The following BRAF variants were observed in gnomAD, a reference collection of about 807,000 sequenced individuals.
BRAF encodes the protein B-Raf proto-oncogene, serine/threonine kinase, also known as serine/threonine-protein kinase B-raf.
In BRAF, 16 loss-of-function variants were observed where a neutral mutation model predicts 104.6. That is an observed-to-expected ratio of 0.15 (90% CI 0.10 to 0.23). BRAF has a LOEUF of 0.23. Among genes scored for constraint, BRAF ranks in the 10% least tolerant of loss-of-function variants. The pLI is 1.00. For missense variants in BRAF, 541 were observed against 937.3 expected, an observed-to-expected ratio of 0.58 and a Z score of 5.52; for synonymous variants, 310 against 341.6, an observed-to-expected ratio of 0.91 and a Z score of 1.02.
chr7:140,784,424 T>C (rs979285329), intron 10 of BRAF, among the ~76,000 whole-genome samples: 23 of 152,200 alleles, frequency 1.5e-4, no homozygotes, highest in African/African-American at 5.1e-4. Context: ...TTCACGGTTA[T>C]GATCTACTAA....
intron 14 of BRAF, among the ~76,000 whole-genome samples, chr7:140,759,613 C>A (rs953257347): frequency 9.9e-5 from 15 of 152,132 alleles, no homozygotes; most frequent in Admixed American, 2.0e-4. Context: ...CTTGAACTCC[C>A]GACCTCAAGT....
At chr7:140,818,504 G>A (rs1805127102) in intron 3 of BRAF, among the ~76,000 whole-genome samples, 1 of 151,916 alleles carries the variant, frequency 6.6e-6, no homozygotes, top group Admixed American at 6.6e-5. Flanking sequence ...ATAGAAACAG[G>A]ATTTCATCAT....
chr7:140,761,484 C>G (rs1024378037), intron 14 of BRAF, among the ~76,000 whole-genome samples: 1 of 151,398 alleles, frequency 6.6e-6, no homozygotes, highest in Non-Finnish European at 1.5e-5. Context: ...CATCAACTAA[C>G]GAGCAAAATA....
chr7:140,734,783 A>AAG lies in BRAF; in HGVS notation c.2248-14_2248-13insCT. 2 of 1,337,404 alleles carry AAG rather than the reference A, an allele frequency of 1.5e-6. No individual in the cohort carries two copies. Among genetic ancestry groups the AAG allele is most frequent in the Non-Finnish European group, 9.7e-7 (1 of 1,026,374 alleles). The allele number at this position is 1,337,404 out of a possible 1,614,324, so 82.8% of individuals were successfully genotyped here. A position where few individuals can be genotyped will look rare whatever the true frequency, so the allele number is the denominator to read the frequency against. On this transcript the variant is annotated splice_polypyrimidine_tract_variant and intron_variant, in intron 18 of 19. Transcript: ENST00000644969. Reference sequence around the variant, plus strand: ...TAGAGGCGAGAATCTACAAAAAAAAAAAGAAAAAAAAAAGAAAAAAAAAGA... The same window carrying AAG: ...TAGAGGCGAGAATCTACAAAAAAAAAAGAAGAAAAAAAAAAGAAAAAAAAAGA...
Position 140,724,281 on chromosome 7 carries a change from T to C in BRAF, c.*2213A>G. ...CCTCAGCAGGACATGAAACACATCC[T>C]CTTGTTCAAGCCCAGGTCTCTCTAC... On this transcript the variant is annotated 3_prime_UTR_variant, in exon 20 of 20. Transcript: ENST00000644969. The C allele has an allele frequency of 2.8e-6, 3 of 1,058,090 alleles. No homozygotes were observed. Among genetic ancestry groups the C allele is most frequent in the Non-Finnish European group, 3.4e-6 (3 of 874,850 alleles). 65.5% of individuals were successfully genotyped at this position (1,058,090 alleles called of 1,614,324 possible). A position where few individuals can be genotyped will look rare whatever the true frequency, so the allele number is the denominator to read the frequency against.
At position 140,923,158 on chromosome 7, in the gene BRAF, G is replaced by C. The variant is rs562717854; in HGVS notation, c.138+1408C>G. On this transcript the variant is annotated intron_variant, in intron 1 of 19. Coordinates refer to ENST00000644969, the MANE Select transcript of BRAF (RefSeq NM_001374258.1). ...CATAAACAAGCTGATGCTGAATAAA[G>C]CAAGCATATTGGATGAATTTCCAAA... 1.3e-3 allele frequency among the ~76,000 whole-genome samples: 202 copies of C among 151,850 alleles called. 1 individual carries two copies. Among genetic ancestry groups the C allele is most frequent in the African/African-American group, 4.4e-3 (183 of 41,272 alleles).
chr7:140,806,621 T>C (rs948031830), intron 5 of BRAF, among the ~76,000 whole-genome samples: 1 of 152,190 alleles, frequency 6.6e-6, no homozygotes, highest in South Asian at 2.1e-4. Context: ...CTAAGAAGAA[T>C]TATTAAGAAA....
At position 140,849,539 on chromosome 7, in the gene BRAF, A is replaced by G. The variant is rs573247253; in HGVS notation, c.240+572T>C. On this transcript the variant is annotated intron_variant, in intron 2 of 19. Transcript: ENST00000644969. ...TAAAAAAAAAAAAAAAAAATTGGCT[A>G]GGCACAGTGGCTCACACCTGTAATC... 1.1e-4 allele frequency among the ~76,000 whole-genome samples: 16 copies of G among 151,452 alleles called. No individual in the cohort carries two copies. In the South Asian group the frequency reaches 1.5e-3, roughly 14 times the overall value.
intron 14 of BRAF, among the ~76,000 whole-genome samples, chr7:140,761,564 G>A (rs1311617483): frequency 1.1e-4 from 16 of 152,060 alleles, no homozygotes; most frequent in African/African-American, 3.6e-4. Flanking sequence ...TAAATGGACT[G>A]AATGCTCCAA....
At chr7:140,922,828 G>A (rs1818370556) in intron 1 of BRAF, among the ~76,000 whole-genome samples, 1 of 152,068 alleles carries the variant, frequency 6.6e-6, no homozygotes, top group African/African-American at 2.4e-5. Context: ...GAAGAAAAGA[G>A]GAAGCTTCAG....
chr7:140,722,988 A>G lies in BRAF; in HGVS notation c.*3506T>C. On this transcript the variant is annotated 3_prime_UTR_variant, in exon 20 of 20. Transcript: ENST00000644969. ...AGTGCTCAAATACAAGTACACAAAA[A>G]AGTTAAAATCTTAAATCATCGTCAT... 1 of 1,054,210 alleles carries G rather than the reference A, an allele frequency of 9.5e-7. No individual in the cohort carries two copies. The highest frequency in any genetic ancestry group is 1.1e-6 in the Non-Finnish European group (1 of 872,430). 65.3% of individuals were successfully genotyped at this position (1,054,210 alleles called of 1,614,324 possible).
At chr7:140,834,107 A>G (rs1028905011) in intron 3 of BRAF, 2 of 170,572 alleles carry the variant, frequency 1.2e-5, no homozygotes, top group African/African-American at 4.8e-5. Context: ...CAATAATTCC[A>G]CAGATTTCTC....
rs200790166 is a variant in BRAF at position 140,769,243 on chromosome 7, A to AT, written c.1814+7668dup. Among the ~76,000 whole-genome samples, 1,017 of 151,990 alleles carry AT rather than the reference A, an allele frequency of 6.7e-3. 15 individuals carry two copies. Among genetic ancestry groups the AT allele is most frequent in the East Asian group, 0.052 (265 of 5,140 alleles). On this transcript the variant is annotated intron_variant, in intron 14 of 19. Coordinates refer to ENST00000644969, the MANE Select transcript of BRAF (RefSeq NM_001374258.1). ...AGGCACCGGCCACCATGCCCAGCTGATTTTTTGTATTTTTAGTAGATATGG... is the reference window on the plus strand; with the variant it reads ...AGGCACCGGCCACCATGCCCAGCTGATTTTTTTGTATTTTTAGTAGATATGG...
At chr7:140,785,654 C>T (rs1801280868) in intron 10 of BRAF, 1 of 398,764 alleles carries the variant, frequency 2.5e-6, no homozygotes, top group South Asian at 1.3e-4. Context: ...ATTTAGTTTG[C>T]TTTGGGTGAA....
chr7:140,845,863 T>G (rs180751709), intron 2 of BRAF, among the ~76,000 whole-genome samples: 167 of 152,170 alleles, frequency 1.1e-3, no homozygotes, highest in African/African-American at 3.8e-3. Flanking sequence ...TATTTTTTAG[T>G]AGAGACAGGA....
chr7:140,766,175 T>C (rs1336104466), intron 14 of BRAF, among the ~76,000 whole-genome samples: 1 of 151,566 alleles, frequency 6.6e-6, no homozygotes, highest in East Asian at 1.9e-4. Context: ...TCATTCTCAG[T>C]AAACTATCGC....
chr7:140,785,147 C>A (rs563832104), intron 10 of BRAF, among the ~76,000 whole-genome samples: 1 of 151,518 alleles, frequency 6.6e-6, no homozygotes, highest in Admixed American at 6.6e-5. Flanking sequence ...CTACCTTTGA[C>A]AAAAATATAC....
At chr7:140,828,892 C>T (rs1806379470) in intron 3 of BRAF, among the ~76,000 whole-genome samples, 1 of 152,136 alleles carries the variant, frequency 6.6e-6, no homozygotes, top group South Asian at 2.1e-4. Flanking sequence ...TCTCACTACA[C>T]CCCTGCCAAT....
chr7:140,739,496 CTT>C (rs909534377), intron 18 of BRAF, among the ~76,000 whole-genome samples: 3 of 135,690 alleles, frequency 2.2e-5, no homozygotes, highest in South Asian at 2.5e-4. Flanking sequence ...GGAATTAAAA[CTT>C]ATATAAACAA....
Sources: gnomAD v4.1 joint callset for allele counts (sites outside exome capture counted in the v4.1 genomes callset) on GRCh38, gnomAD v4.1.1 for gene constraint, MANE v1.5 for transcripts, NCBI Gene and HGNC (gene_info 2026-07-23, HGNC 2026-07-21) for gene names.